Variants in TNFSF10 observed in about 807,000 individuals in gnomAD.
The protein encoded by TNFSF10 is TNF superfamily member 10, also known as tumor necrosis factor ligand superfamily member 10.
In TNFSF10, 13 loss-of-function variants were observed where a neutral mutation model predicts 29.5. The observed-to-expected ratio is 0.44, with a 90% CI of 0.29 to 0.70. The LOEUF is 0.70. Ranked by LOEUF, TNFSF10 falls within the 30% of genes least tolerant of loss-of-function variation. The probability of loss-of-function intolerance (pLI) is 0.13; values close to 1 mark genes in which losing one functional copy is unlikely to be tolerated. For missense variants in TNFSF10, 345 were observed against 330.9 expected, an observed-to-expected ratio of 1.04 and a Z score of -0.33; for synonymous variants, 111 against 112.8, an observed-to-expected ratio of 0.98 and a Z score of 0.10.
chr3:172,517,789 G>A, intron 1 of TNFSF10: 1 of 982,226 alleles, frequency 1.0e-6, no homozygotes, highest in Non-Finnish European at 1.2e-6. Flanking sequence ...GTAAAATATA[G>A]AAAAATAAAA....
chr3:172,515,091 C>A, intron 1 of TNFSF10, 93 bp from the exon 2 acceptor site: 1 of 1,553,848 alleles, frequency 6.4e-7, no homozygotes, highest in Admixed American at 1.9e-5. Context: ...TGATAGCAGA[C>A]TTAAAGAAGT....
chr3:172,510,774 T>G (rs1242122742), intron 3 of TNFSF10, among the ~76,000 whole-genome samples: 1 of 151,990 alleles, frequency 6.6e-6, no homozygotes, highest in Non-Finnish European at 1.5e-5. Flanking sequence ...GAAAGAAGGC[T>G]TAGACCCCAG....
At position 172,514,861 on chromosome 3, in the gene TNFSF10, C is replaced by G; in HGVS notation, c.270G>C (p.Lys90Asn). The G allele has an allele frequency of 6.2e-7, 1 of 1,614,108 alleles. No individual in the cohort carries two copies. Among genetic ancestry groups the G allele is most frequent in the Non-Finnish European group, 8.5e-7 (1 of 1,180,006 alleles). Residue 90 changes from lysine to asparagine, a missense_variant and splice_region_variant, in exon 2 of 5, where the codon AAG (lysine) becomes AAC (asparagine). Transcript: ENST00000241261. ...GAGGTCACCTGGTGAGGTTACCTAC[C>G]TTTCTAACGAGCTGACGGAGTTGCC... ...VKWQLRQLVR[K>N]MILRTSEETI...
intron 4 of TNFSF10, 179 bp downstream of exon 4, chr3:172,509,038 A>C (rs1437939171): frequency 2.3e-6 from 1 of 427,018 alleles, no homozygotes; most frequent in Non-Finnish European, 4.1e-6. Context: ...TCGTGGCAAT[A>C]ATTGAGCTGT....
At chr3:172,516,194 G>T (rs1244978522) in intron 1 of TNFSF10, among the ~76,000 whole-genome samples, 1 of 151,736 alleles carries the variant, frequency 6.6e-6, no homozygotes, top group Non-Finnish European at 1.5e-5. Context: ...AACCCGGGAG[G>T]CGGAGCTTGC....
intron 3 of TNFSF10, among the ~76,000 whole-genome samples, chr3:172,511,156 G>C (rs974543317): frequency 6.6e-6 from 1 of 152,150 alleles, no homozygotes; most frequent in African/African-American, 2.4e-5. Context: ...GAGGATCGTG[G>C]GTGGGTAGAA....
At chr3:172,517,382 G>A in intron 1 of TNFSF10, 1 of 985,266 alleles carries the variant, frequency 1.0e-6, no homozygotes, top group Non-Finnish European at 1.2e-6. Context: ...TAAGGTCCTG[G>A]GTATAAGTGG....
At chr3:172,509,952 C>T (rs1414382792) in intron 3 of TNFSF10, among the ~76,000 whole-genome samples, 3 of 146,514 alleles carry the variant, frequency 2.0e-5, no homozygotes, top group Non-Finnish European at 3.0e-5. Flanking sequence ...GCACTCCAGC[C>T]TGGGCAACAG....
chr3:172,512,581 C>T (rs1156611898), intron 2 of TNFSF10, among the ~76,000 whole-genome samples: 2 of 152,188 alleles, frequency 1.3e-5, no homozygotes, highest in South Asian at 2.1e-4. Flanking sequence ...GGAGTGGTGG[C>T]GGTGGACTGA....
chr3:172,511,541 G>T, intron 3 of TNFSF10, 76 bp downstream of exon 3: 1 of 1,222,084 alleles, frequency 8.2e-7, no homozygotes, highest in Non-Finnish European at 1.2e-6. Flanking sequence ...ACACAGAGAA[G>T]GAGAATGGAG....
intron 1 of TNFSF10, among the ~76,000 whole-genome samples, chr3:172,519,358 A>G (rs958776433): frequency 5.1e-5 from 7 of 136,056 alleles, no homozygotes; most frequent in Admixed American, 3.8e-4. Context: ...AGACAATTGC[A>G]TGAGTCAGTT....
At chr3:172,513,154 G>C (rs143009016) in intron 2 of TNFSF10, among the ~76,000 whole-genome samples, 1 of 152,246 alleles carries the variant, frequency 6.6e-6, no homozygotes, top group East Asian at 1.9e-4. Flanking sequence ...AGGGAGAATG[G>C]CAGGAATAGC....
chr3:172,515,047 T>G, intron 1 of TNFSF10, 49 bp from the exon 2 acceptor site: 2 of 1,610,372 alleles, frequency 1.2e-6, no homozygotes, highest in Non-Finnish European at 1.7e-6. Flanking sequence ...GTGCTTTTTA[T>G]TTTTGTTCAT....
At chr3:172,520,120 T>C (rs992140725) in intron 1 of TNFSF10, among the ~76,000 whole-genome samples, 1 of 152,246 alleles carries the variant, frequency 6.6e-6, no homozygotes, top group Non-Finnish European at 1.5e-5. Flanking sequence ...TACTATTTAA[T>C]ATACAATGAA....
chr3:172,510,959 GA>G (rs996580563), intron 3 of TNFSF10, among the ~76,000 whole-genome samples: 2 of 152,208 alleles, frequency 1.3e-5, no homozygotes, highest in African/African-American at 4.8e-5. Context: ...AATTTACTTA[GA>G]AAGGTGTCCA....
chr3:172,506,226 A>G lies in TNFSF10; in HGVS notation c.*266T>C. The stretch of plus-strand genomic sequence containing the variant: ...TGTTTGGAAGCTGACAGTCTTCTAG[A>G]TTTCTGCTAGCAAACTGATATGAGG... On this transcript the variant is annotated 3_prime_UTR_variant, in exon 5 of 5. Transcript: ENST00000241261. 2.5e-6 allele frequency: 1 copy of G among 396,148 alleles called. No individual in the cohort carries two copies. The highest frequency in any genetic ancestry group is 4.5e-6 in the Non-Finnish European group (1 of 222,842). The allele number at this position is 396,148 out of a possible 1,614,324, so 24.5% of individuals were successfully genotyped here.
chr3:172,510,864 T>C (rs1713190275), intron 3 of TNFSF10, among the ~76,000 whole-genome samples: 1 of 152,076 alleles, frequency 6.6e-6, no homozygotes, highest in South Asian at 2.1e-4. Context: ...AGAAGTTTAT[T>C]GCATTGGAAA....
chr3:172,513,739 G>A (rs1052181255), intron 2 of TNFSF10, among the ~76,000 whole-genome samples: 1 of 152,054 alleles, frequency 6.6e-6, no homozygotes, highest in Non-Finnish European at 1.5e-5. Context: ...CCCAGTTAAC[G>A]TCTTTAAACA....
chr3:172,522,869 A>C, intron 1 of TNFSF10, among the ~76,000 whole-genome samples: 1 of 152,236 alleles, frequency 6.6e-6, no homozygotes, highest in Non-Finnish European at 1.5e-5. Flanking sequence ...TATCTTTTTC[A>C]ATTGAATGTG....
Sources: gnomAD v4.1 joint callset for allele counts (sites outside exome capture counted in the v4.1 genomes callset) on GRCh38, gnomAD v4.1.1 for gene constraint, MANE v1.5 for transcripts, NCBI Gene and HGNC (gene_info 2026-07-23, HGNC 2026-07-21) for gene names.